Variants in CNTN5 observed in about 807,000 individuals in gnomAD.
CNTN5 encodes contactin 5, also known as contactin-5.
CNTN5 carries 77 observed loss-of-function variants against 129.1 expected under a neutral mutation model. The ratio of observed to expected loss-of-function variants is 0.60; its 90% confidence interval spans 0.50 to 0.72. CNTN5 has a LOEUF of 0.72. Among genes scored for constraint, CNTN5 ranks in the 30% least tolerant of loss-of-function variants. CNTN5 has a pLI of 0.00. For synonymous variants in CNTN5, 509 were observed against 465.6 expected, an observed-to-expected ratio of 1.09 and a Z score of -1.20; for missense variants, 1,478 against 1,328.8, an observed-to-expected ratio of 1.11 and a Z score of -1.75.
intron 3 of CNTN5, among the ~76,000 whole-genome samples, chr11:99,799,058 T>C (rs1050803983): frequency 6.6e-6 from 1 of 152,112 alleles, no homozygotes; most frequent in Non-Finnish European, 1.5e-5. Context: ...TGTTATGGTC[T>C]TAGCTTGACT....
chr11:99,326,697 T>C (rs2136012796), intron 2 of CNTN5, among the ~76,000 whole-genome samples: 1 of 152,146 alleles, frequency 6.6e-6, no homozygotes, highest in African/African-American at 2.4e-5. Flanking sequence ...GTACCAGGTA[T>C]CTCTAAATTA....
At chr11:99,049,639 A>T (rs776112393) in intron 1 of CNTN5, 1 of 152,090 alleles carries the variant, frequency 6.6e-6, no homozygotes, top group Non-Finnish European at 1.5e-5. Flanking sequence ...CTCCCCAGCA[A>T]TGGAAACCAA....
chr11:100,284,938 G>A (rs1950736264), intron 18 of CNTN5, among the ~76,000 whole-genome samples: 3 of 152,172 alleles, frequency 2.0e-5, no homozygotes, highest in Admixed American at 6.5e-5. Context: ...GTTCTACTGT[G>A]CCACTTAATA....
At chr11:100,035,494 G>A (rs1426878637) in intron 9 of CNTN5, among the ~76,000 whole-genome samples, 1 of 146,798 alleles carries the variant, frequency 6.8e-6, no homozygotes, top group Admixed American at 6.8e-5. Flanking sequence ...CCAGTAATGG[G>A]ATGGCTGGGT....
intron 13 of CNTN5, among the ~76,000 whole-genome samples, chr11:100,173,535 G>A (rs1435336142): frequency 1.3e-5 from 2 of 152,156 alleles, no homozygotes; most frequent in African/African-American, 4.8e-5. Flanking sequence ...AGAAAGGCAA[G>A]AGTATGCAAG....
At chr11:99,698,039 C>T (rs1380231462) in intron 3 of CNTN5, among the ~76,000 whole-genome samples, 4 of 150,152 alleles carry the variant, frequency 2.7e-5, no homozygotes, top group Non-Finnish European at 5.9e-5. Flanking sequence ...TCATTATTTG[C>T]ACAGTTTAGT....
intron 1 of CNTN5, among the ~76,000 whole-genome samples, chr11:99,150,749 A>G (rs1429512816): frequency 6.6e-6 from 1 of 152,058 alleles, no homozygotes; most frequent in Non-Finnish European, 1.5e-5. Flanking sequence ...AGTTAAGGAT[A>G]GTGCTTTACC....
At chr11:99,256,488 G>A in intron 1 of CNTN5, among the ~76,000 whole-genome samples, 1 of 151,990 alleles carries the variant, frequency 6.6e-6, no homozygotes, top group South Asian at 2.1e-4. Flanking sequence ...CAACTGGATT[G>A]TAAAGCCTTT....
At chr11:99,366,530 A>G (rs1288271532) in intron 2 of CNTN5, among the ~76,000 whole-genome samples, 1 of 152,186 alleles carries the variant, frequency 6.6e-6, no homozygotes, top group Non-Finnish European at 1.5e-5. Flanking sequence ...TTGCAAAAAG[A>G]CAAAATGTCC....
At chr11:99,678,076 T>C (rs1415694757) in intron 3 of CNTN5, among the ~76,000 whole-genome samples, 1 of 152,124 alleles carries the variant, frequency 6.6e-6, no homozygotes, top group Non-Finnish European at 1.5e-5. Context: ...ATTTCTATTA[T>C]TTGGGTACAT....
intron 4 of CNTN5, among the ~76,000 whole-genome samples, chr11:99,842,640 T>C (rs576638596): frequency 6.6e-6 from 1 of 152,256 alleles, no homozygotes; most frequent in African/African-American, 2.4e-5. Flanking sequence ...AGTCATAGTT[T>C]TAATGTGTAA....
chr11:99,835,501 A>G (rs892417717), intron 4 of CNTN5, among the ~76,000 whole-genome samples: 6 of 152,152 alleles, frequency 3.9e-5, no homozygotes, highest in African/African-American at 1.4e-4. Context: ...CAAAGAGCTG[A>G]CATAATGTCA....
intron 3 of CNTN5, among the ~76,000 whole-genome samples, chr11:99,625,422 G>A (rs979146123): frequency 2.0e-4 from 30 of 152,192 alleles, no homozygotes; most frequent in African/African-American, 6.5e-4. Context: ...TTCTTTCCCC[G>A]TCAGTGGAGG....
At chr11:99,254,983 T>C (rs1862303941) in intron 1 of CNTN5, among the ~76,000 whole-genome samples, 1 of 152,032 alleles carries the variant, frequency 6.6e-6, no homozygotes, top group Admixed American at 6.6e-5. Context: ...GCCGATGTTT[T>C]CTTAATGAGG....
At chr11:99,116,153 A>G (rs1858034464) in intron 1 of CNTN5, among the ~76,000 whole-genome samples, 1 of 152,116 alleles carries the variant, frequency 6.6e-6, no homozygotes, top group Non-Finnish European at 1.5e-5. Context: ...ATGCCTACAC[A>G]TTTTATTTCT....
At chr11:99,913,449 G>GA (rs59569457) in intron 6 of CNTN5, among the ~76,000 whole-genome samples, 11,360 of 148,586 alleles carry the variant, frequency 0.076, 877 homozygotes, top group African/African-American at 0.2. Flanking sequence ...CTTCAAGAAA[G>GA]AAAAAAAAAA....
At chr11:99,164,568 A>T (rs1345816566) in intron 1 of CNTN5, among the ~76,000 whole-genome samples, 1 of 152,194 alleles carries the variant, frequency 6.6e-6, no homozygotes, top group Non-Finnish European at 1.5e-5. Context: ...GCAGAGTAAC[A>T]TACTTACTCT....
At position 99,099,530 on chromosome 11, in the gene CNTN5, C is replaced by A. The variant is rs1390207867; in HGVS notation, c.-210+78260C>A. Reference sequence around the variant, plus strand: ...TGTCACCCCAGGAACGTCTTTACAGCATAAAAATATAATGTGTATACACAC... The same window carrying A: ...TGTCACCCCAGGAACGTCTTTACAGAATAAAAATATAATGTGTATACACAC... On this transcript the variant is annotated intron_variant, in intron 1 of 24. Coordinates refer to ENST00000524871, the MANE Select transcript of CNTN5 (RefSeq NM_014361.4). Among the ~76,000 whole-genome samples, 4 of 137,914 alleles carry A rather than the reference C, an allele frequency of 2.9e-5. 1 individual carries two copies. The South Asian group carries it at 9.6e-4, about 33-fold the overall frequency. The allele number at this position is 137,914 out of a possible 152,430, so 90.5% of individuals were successfully genotyped here. A position where few individuals can be genotyped will look rare whatever the true frequency, so the allele number is the denominator to read the frequency against.
At chr11:100,014,896 C>A (rs902431858) in intron 9 of CNTN5, among the ~76,000 whole-genome samples, 3 of 152,152 alleles carry the variant, frequency 2.0e-5, no homozygotes, top group African/African-American at 7.2e-5. Context: ...CCAAACCAAG[C>A]ACAACTCTCC....
Sources: allele counts gnomAD v4.1 joint callset (sites outside exome capture counted in the v4.1 genomes callset), GRCh38; gene constraint gnomAD v4.1.1; transcripts MANE v1.5; gene names NCBI Gene and HGNC (gene_info 2026-07-23, HGNC 2026-07-21).